BTBD8: variants seen among roughly 807,000 people sequenced by gnomAD.
BTBD8 encodes BTB domain containing 8.
A neutral mutation model predicts 162.9 loss-of-function variants in BTBD8; 110 were observed. The observed-to-expected ratio is 0.68, with a 90% CI of 0.58 to 0.79. The LOEUF is 0.79. Among genes scored for constraint, BTBD8 ranks in the 30% least tolerant of loss-of-function variants. The pLI is 0.00. For synonymous variants in BTBD8, 667 were observed against 716.1 expected (o/e 0.93, Z 1.10); for missense variants, 1,905 against 2,085.4 (o/e 0.91, Z 1.68).
chr1:92,157,079 G>A (rs1336453109), intron 9 of BTBD8, among the ~76,000 whole-genome samples: 1 of 151,086 alleles, frequency 6.6e-6, no homozygotes, highest in African/African-American at 2.4e-5. Flanking sequence ...TTTGCTCTTA[G>A]TTCTGCTTTT....
intron 5 of BTBD8, among the ~76,000 whole-genome samples, chr1:92,133,553 G>A (rs1649561509): frequency 6.6e-6 from 1 of 152,218 alleles, no homozygotes; most frequent in African/African-American, 2.4e-5. Flanking sequence ...AATCCTGTCT[G>A]TCCTTACAGA....
At chr1:92,080,791 C>G in intron 1 of BTBD8, 71 bp downstream of exon 1, 1 of 1,538,916 alleles carries the variant, frequency 6.5e-7, no homozygotes, top group Non-Finnish European at 8.7e-7. Flanking sequence ...GCTGAGGCTT[C>G]TTTCGGCTCT....
intron 1 of BTBD8, among the ~76,000 whole-genome samples, chr1:92,086,053 T>C (rs906185568): frequency 1.3e-5 from 2 of 152,206 alleles, no homozygotes; most frequent in African/African-American, 4.8e-5. Flanking sequence ...TGTGATGGTT[T>C]AGCATTTTCT....
At chr1:92,120,182 G>A (rs1240603183) in intron 4 of BTBD8, among the ~76,000 whole-genome samples, 1 of 152,028 alleles carries the variant, frequency 6.6e-6, no homozygotes, top group African/African-American at 2.4e-5. Flanking sequence ...GTGAGCCACC[G>A]CGCCTGGCCT....
intron 3 of BTBD8, among the ~76,000 whole-genome samples, chr1:92,105,499 C>T (rs894177053): frequency 1.3e-5 from 2 of 152,048 alleles, no homozygotes; most frequent in East Asian, 1.9e-4. Context: ...GCAGTCCACC[C>T]GCCTCAGCCT....
intron 4 of BTBD8, among the ~76,000 whole-genome samples, chr1:92,128,138 C>T (rs897890814): frequency 5.9e-5 from 9 of 151,436 alleles, no homozygotes; most frequent in Admixed American, 5.3e-4. Context: ...TTTTTTGAGG[C>T]GGAGTTTCGC....
Position 92,177,118 on chromosome 1 carries a change from C to T in BTBD8, c.1925C>T (p.Thr642Ile), listed in dbSNP as rs1399623488. The change falls in exon 14 of 18, where the codon ACA (threonine) becomes ATA (isoleucine). Residue 642 changes from threonine (T) to isoleucine (I), a missense_variant. Around this residue, in one of 3 missense-constraint regions of BTBD8, gnomAD observed 1,374 missense variants for 1,442.7 expected, o/e 0.95. Coordinates refer to ENST00000636805, the MANE Select transcript of BTBD8 (RefSeq NM_001376131.1). ...CCCAAAACTGTAACAAAATCCAAAA[C>T]AGAAAATGGTGATAAGGCACGGTTG... ...GKPKTVTKSK[T>I]ENGDKARLEN... 1 of 1,551,526 alleles carries T rather than the reference C, an allele frequency of 6.4e-7. No individual in the cohort carries two copies. Among genetic ancestry groups the T allele is most frequent in the East Asian group, 2.4e-5 (1 of 40,922 alleles).
chr1:92,183,770 T>TTG (rs1553127263), intron 17 of BTBD8, 94 bp from the exon 18 acceptor site: 13 of 563,936 alleles, frequency 2.3e-5, no homozygotes, highest in African/African-American at 1.6e-4. Flanking sequence ...TTTTTTTTTT[T>TTG]GACTATCACT....
At chr1:92,085,049 T>G (rs953264956) in intron 1 of BTBD8, among the ~76,000 whole-genome samples, 1 of 152,216 alleles carries the variant, frequency 6.6e-6, no homozygotes, top group African/African-American at 2.4e-5. Context: ...CTCTTTTGTC[T>G]GTCCCTGAAC....
Position 92,081,093 on chromosome 1 carries a change from A to T in BTBD8, c.149+373A>T, listed in dbSNP as rs1648001667. Among the ~76,000 whole-genome samples the T allele has an allele frequency of 2.0e-5, 3 of 152,240 alleles. 1 individual carries two copies. The highest frequency in any genetic ancestry group is 6.5e-5 in the Admixed American group (1 of 15,284). ...TTTTAAAATAAGCTTATACTATTTT[A>T]AGAAAAATAATAAAATTAGGAAAAC... On this transcript the variant is annotated intron_variant, in intron 1 of 17. Coordinates refer to ENST00000636805, the MANE Select transcript of BTBD8 (RefSeq NM_001376131.1).
chr1:92,134,824 T>TAGGA (rs2101934674), intron 5 of BTBD8, among the ~76,000 whole-genome samples: 1 of 152,096 alleles, frequency 6.6e-6, no homozygotes, highest in Non-Finnish European at 1.5e-5. Context: ...GGGCTCCACA[T>TAGGA]AGGAGCCTGA....
intron 5 of BTBD8, among the ~76,000 whole-genome samples, chr1:92,131,912 G>A (rs1191085385): frequency 2.0e-5 from 3 of 152,064 alleles, no homozygotes; most frequent in Non-Finnish European, 4.4e-5. Context: ...GTCTCATCGT[G>A]TTGCCCAGGC....
intron 9 of BTBD8, among the ~76,000 whole-genome samples, chr1:92,156,694 C>A (rs373770686): frequency 6.6e-6 from 1 of 152,014 alleles, no homozygotes; most frequent in African/African-American, 2.4e-5. Context: ...GGAATTTATC[C>A]ATTTCTTCTA....
At position 92,180,988 on chromosome 1, in the gene BTBD8, T is replaced by G; in HGVS notation, c.3305T>G (p.Leu1102Trp). The G allele has an allele frequency of 6.4e-7, 1 of 1,551,796 alleles. No homozygotes were observed. Among genetic ancestry groups the G allele is most frequent in the South Asian group, 1.2e-5 (1 of 84,064 alleles). Residue 1102 changes from leucine to tryptophan, a missense_variant, in exon 17 of 18, where the codon TTG becomes TGG. Transcript: ENST00000636805. ...GTTTCAAATCCAAATGAAAACTCCT[T>G]GAACTCTAATCCAGTTTGTGATTTA... is the stretch of plus-strand genomic sequence containing the variant. Reference protein sequence around the residue: ...YMVSNPNENSLNSNPVCDLDS... With the variant: ...YMVSNPNENSWNSNPVCDLDS...
intron 2 of BTBD8, among the ~76,000 whole-genome samples, chr1:92,095,831 A>G (rs1452687849): frequency 6.6e-6 from 1 of 152,174 alleles, no homozygotes; most frequent in Non-Finnish European, 1.5e-5. Context: ...TAGTGCTGTT[A>G]TCAATAACTA....
chr1:92,099,139 A>G (rs1557439313), intron 2 of BTBD8, among the ~76,000 whole-genome samples: 1 of 152,148 alleles, frequency 6.6e-6, no homozygotes, highest in Non-Finnish European at 1.5e-5. Flanking sequence ...AGCACCATTT[A>G]TGGGGGAGAC....
rs1647964140 is a variant in BTBD8, at chr1:92,080,405, T to C, written c.-167T>C. ...CTGAGGCTCCCCACCGCGGTCCGGCTTCTCTGGGAGACTGTCTACAAACCG... is the reference window on the plus strand; with the variant it reads ...CTGAGGCTCCCCACCGCGGTCCGGCCTCTCTGGGAGACTGTCTACAAACCG... On this transcript the variant is annotated 5_prime_UTR_variant, in exon 1 of 18. Transcript: ENST00000636805. 1 of 1,011,394 alleles carries C rather than the reference T, an allele frequency of 9.9e-7. No individual in the cohort carries two copies. The highest frequency in any genetic ancestry group is 1.8e-5 in the South Asian group (1 of 56,114). The allele number at this position is 1,011,394 out of a possible 1,614,324, so 62.7% of individuals were successfully genotyped here. A position where few individuals can be genotyped will look rare whatever the true frequency, so the allele number is the denominator to read the frequency against.
At chr1:92,099,402 T>C (rs1648529738) in intron 2 of BTBD8, among the ~76,000 whole-genome samples, 2 of 151,562 alleles carry the variant, frequency 1.3e-5, no homozygotes, top group Non-Finnish European at 1.5e-5. Context: ...AATTTGAGGA[T>C]TGGCTTGTCA....
chr1:92,089,011 C>A, intron 2 of BTBD8, 116 bp downstream of exon 2: 1 of 978,666 alleles, frequency 1.0e-6, no homozygotes, highest in Non-Finnish European at 1.5e-6. Flanking sequence ...AAAATCCATT[C>A]ACTTAAATTC....
Sources: gnomAD v4.1 joint callset for allele counts (sites outside exome capture counted in the v4.1 genomes callset) on GRCh38, gnomAD v4.1.1 for gene constraint, gnomAD v4.1.1 regional missense constraint, MANE v1.5 for transcripts, NCBI Gene and HGNC (gene_info 2026-07-23, HGNC 2026-07-21) for gene names.